MAEA: variants seen among roughly 807,000 people sequenced by gnomAD.
MAEA encodes E3 ubiquitin-protein transferase MAEA.
In MAEA, 22 loss-of-function variants were observed where a neutral mutation model predicts 46.2. The observed-to-expected ratio is 0.48, with a 90% CI of 0.34 to 0.68. The LOEUF (loss-of-function observed/expected upper bound fraction) is 0.68, where lower values mean the gene tolerates loss of function less well. Ranked by LOEUF, MAEA falls within the 30% of genes least tolerant of loss-of-function variation. MAEA has a pLI of 0.01. For missense variants in MAEA, 393 were observed against 558.1 expected (o/e 0.70, Z 2.98); for synonymous variants, 246 against 222.6 (o/e 1.11, Z -0.94).
In MAEA at chr4:1,339,553, G is replaced by A. The variant is rs150415682; in HGVS notation, c.*384G>A. ...GTGAACGATGAGACTTGGAGAACGG[G>A]CTGGTCCTTCACCACTTCCTGTTGG... On this transcript the variant is annotated 3_prime_UTR_variant, in exon 9 of 9. Transcript: ENST00000303400. 4.1e-6 allele frequency: 1 copy of A among 241,542 alleles called. No individual in the cohort carries two copies. Among genetic ancestry groups the A allele is most frequent in the East Asian group, 1.2e-4 (1 of 8,214 alleles). The allele number at this position is 241,542 out of a possible 1,614,324, so 15.0% of individuals were successfully genotyped here.
rs533698602 is a variant in MAEA, at chr4:1,296,407, C to T, written c.69+6425C>T. Reference sequence around the variant, plus strand: ...CTGTGCAGCCGTCACCCATGCCATTCCTCACCTGTACCCCTCACCCATGCC... The same window carrying T: ...CTGTGCAGCCGTCACCCATGCCATTTCTCACCTGTACCCCTCACCCATGCC... On this transcript the variant is annotated intron_variant, in intron 1 of 8. Coordinates refer to ENST00000303400, the MANE Select transcript of MAEA (RefSeq NM_001017405.3). Among the ~76,000 whole-genome samples, 39 of 80,604 alleles carry T rather than the reference C, an allele frequency of 4.8e-4. No individual in the cohort carries two copies. The South Asian group carries it at 6.1e-3, about 13-fold the overall frequency. 52.9% of individuals were successfully genotyped at this position (80,604 alleles called of 152,430 possible).
At chr4:1,308,602 C>A (rs1374100322) in intron 1 of MAEA, among the ~76,000 whole-genome samples, 1 of 152,230 alleles carries the variant, frequency 6.6e-6, no homozygotes, top group Non-Finnish European at 1.5e-5. Context: ...GTTGAGTGAT[C>A]GCCGTCCTAA....
intron 3 of MAEA, among the ~76,000 whole-genome samples, chr4:1,321,032 G>A (rs769845684): frequency 4.6e-5 from 7 of 152,300 alleles, no homozygotes; most frequent in East Asian, 1.9e-4. Flanking sequence ...CCCAGGAGGC[G>A]GAGCTTGCAG....
At chr4:1,298,685 C>A (rs1325702511) in intron 1 of MAEA, among the ~76,000 whole-genome samples, 2 of 152,140 alleles carry the variant, frequency 1.3e-5, no homozygotes, top group Admixed American at 1.3e-4. Context: ...TCCCCCCGGG[C>A]TCAGTCCTTG....
At chr4:1,310,111 A>G in intron 1 of MAEA, 1 of 769,014 alleles carries the variant, frequency 1.3e-6, no homozygotes, top group Non-Finnish European at 1.6e-6. Context: ...CTGCACAGGC[A>G]GAGCAAAGAC....
chr4:1,312,422 G>GTTTTTT, intron 2 of MAEA: 2 of 225,100 alleles, frequency 8.9e-6, no homozygotes, highest in South Asian at 1.1e-4. Context: ...CAGGTTGATT[G>GTTTTTT]ATTTTTTTTT....
Position 1,311,926 on chromosome 4 carries a change from G to A in MAEA, c.70-53G>A. ...CCTGGTGTGTCCTGGGTGTGGGGCTGGTGGGGCTCACACCAGGGGAGCAGA... is the reference window on the plus strand; with the variant it reads ...CCTGGTGTGTCCTGGGTGTGGGGCTAGTGGGGCTCACACCAGGGGAGCAGA... On this transcript the variant is annotated intron_variant, in intron 1 of 8. Coordinates refer to ENST00000303400, the MANE Select transcript of MAEA (RefSeq NM_001017405.3). This position sits in a 1 kb window ranked among gnomAD's most constrained non-coding sequence, Gnocchi z 4.4. The A allele has an allele frequency of 1.3e-6, 2 of 1,530,014 alleles. No individual in the cohort carries two copies. Among genetic ancestry groups the A allele is most frequent in the Non-Finnish European group, 1.8e-6 (2 of 1,117,514 alleles). The allele number at this position is 1,530,014 out of a possible 1,614,324, so 94.8% of individuals were successfully genotyped here. A position where few individuals can be genotyped will look rare whatever the true frequency, so the allele number is the denominator to read the frequency against.
intron 5 of MAEA, among the ~76,000 whole-genome samples, chr4:1,328,077 G>C (rs755736072): frequency 1.3e-5 from 2 of 152,266 alleles, no homozygotes; most frequent in Non-Finnish European, 2.9e-5. Flanking sequence ...TGTCTCTGAC[G>C]TGTGGTCCTC....
intron 3 of MAEA, among the ~76,000 whole-genome samples, chr4:1,319,682 G>A (rs1372247259): frequency 3.3e-5 from 5 of 152,228 alleles, no homozygotes; most frequent in Non-Finnish European, 7.3e-5. Flanking sequence ...GCAACAGTGA[G>A]CCATGATCTC....
In MAEA at chr4:1,336,772, G is replaced by A. The variant is rs1057053531; in HGVS notation, c.766-89G>A. On this transcript the variant is annotated intron_variant, in intron 6 of 8. Coordinates refer to ENST00000303400, the MANE Select transcript of MAEA (RefSeq NM_001017405.3). ...ACTGGGGGATGGCTGTGGGCCGATG[G>A]CACCTGCTTCACCATGGTCCACGTT... 6 of 1,325,440 alleles carry A rather than the reference G, an allele frequency of 4.5e-6. No individual in the cohort carries two copies. In the African/African-American group the frequency reaches 8.7e-5, roughly 19 times the overall value. 82.1% of individuals were successfully genotyped at this position (1,325,440 alleles called of 1,614,324 possible).
At chr4:1,319,038 G>C (rs550108048) in intron 3 of MAEA, among the ~76,000 whole-genome samples, 22 of 152,266 alleles carry the variant, frequency 1.4e-4, no homozygotes, top group African/African-American at 4.6e-4. Context: ...CCTCAGTGTG[G>C]CTGGTGCTGT....
intron 1 of MAEA, among the ~76,000 whole-genome samples, chr4:1,292,107 C>G (rs114194415): frequency 6.6e-6 from 1 of 152,120 alleles, no homozygotes; most frequent in Non-Finnish European, 1.5e-5. Flanking sequence ...GAGAAGGGAC[C>G]GAGGGCTGCA....
intron 6 of MAEA, 29 bp downstream of exon 6, chr4:1,332,894 C>A: frequency 6.4e-7 from 1 of 1,550,972 alleles, no homozygotes. Flanking sequence ...GGGTCGGTGT[C>A]ATGCTGGGGT....
chr4:1,315,613 C>A lies in MAEA; in HGVS notation c.456+13C>A. On this transcript the variant is annotated intron_variant, in intron 3 of 8. Transcript: ENST00000303400. ...GAGCGGCATCGAGGTGGGTGCCCGCCAGACGCAGGCACAGCGCCCCAGCTG... is the reference window on the plus strand; with the variant it reads ...GAGCGGCATCGAGGTGGGTGCCCGCAAGACGCAGGCACAGCGCCCCAGCTG... 6.2e-7 allele frequency: 1 copy of A among 1,611,826 alleles called. No homozygotes were observed. Among genetic ancestry groups the A allele is most frequent in the South Asian group, 1.1e-5 (1 of 90,994 alleles).
chr4:1,299,591 T>G (rs543251418), intron 1 of MAEA: 10 of 146,486 alleles, frequency 6.8e-5, no homozygotes, highest in African/African-American at 2.7e-4. Flanking sequence ...CCCTTTGCCC[T>G]GTAGGGTGCT....
At chr4:1,320,384 A>G (rs1449240122) in intron 3 of MAEA, among the ~76,000 whole-genome samples, 1 of 152,020 alleles carries the variant, frequency 6.6e-6, no homozygotes, top group Non-Finnish European at 1.5e-5. Flanking sequence ...GGGGCTTCAG[A>G]AAAGAATCAT....
intron 4 of MAEA, chr4:1,323,446 TG>T (rs1234386513): frequency 1.4e-6 from 1 of 702,214 alleles, no homozygotes; most frequent in Admixed American, 2.0e-5. Flanking sequence ...TGGCTGAGTT[TG>T]GCAGGGTGCA....
chr4:1,332,979 A>T, intron 6 of MAEA, 114 bp downstream of exon 6: 1 of 667,030 alleles, frequency 1.5e-6, no homozygotes, highest in African/African-American at 1.9e-5. Context: ...CATCCCAGCC[A>T]CACAGCCTGT....
At position 1,339,684 on chromosome 4, in the gene MAEA, A is replaced by G. The variant is rs1450525883; in HGVS notation, c.*515A>G. The G allele has an allele frequency of 6.4e-6, 1 of 155,336 alleles. No homozygotes were observed. Among genetic ancestry groups the G allele is most frequent in the Admixed American group, 6.4e-5 (1 of 15,650 alleles). 9.6% of individuals were successfully genotyped at this position (155,336 alleles called of 1,614,324 possible). A position where few individuals can be genotyped will look rare whatever the true frequency, so the allele number is the denominator to read the frequency against. ...ATGGCTTCATTCGAGAGCTGCTGCC[A>G]AAACGCCTGGCGCCGCCACCGTCGG... On this transcript the variant is annotated 3_prime_UTR_variant, in exon 9 of 9. Transcript: ENST00000303400.
Sources: allele counts gnomAD v4.1 joint callset (sites outside exome capture counted in the v4.1 genomes callset), GRCh38; gene constraint gnomAD v4.1.1; non-coding constraint Gnocchi (gnomAD v3.1); transcripts MANE v1.5; gene names NCBI Gene and HGNC (gene_info 2026-07-23, HGNC 2026-07-21).